Variants in RANBP17 observed in about 807,000 individuals in gnomAD.
The protein encoded by RANBP17 is ran-binding protein 17.
RANBP17 carries 158 observed loss-of-function variants against 141.2 expected under a neutral mutation model. The observed-to-expected ratio is 1.12, with a 90% CI of 0.98 to 1.28. RANBP17 has a LOEUF of 1.28. RANBP17 is among the 50% of genes most tolerant of loss of function. The pLI, the probability that RANBP17 is intolerant of heterozygous loss-of-function variation, is 0.00. For synonymous variants in RANBP17, 430 were observed against 450.0 expected, an observed-to-expected ratio of 0.96 and a Z score of 0.56; for missense variants, 1,438 against 1,290.7, an observed-to-expected ratio of 1.11 and a Z score of -1.75.
At chr5:170,900,416 A>C (rs779463121) in intron 5 of RANBP17, among the ~76,000 whole-genome samples, 2 of 151,312 alleles carry the variant, frequency 1.3e-5, no homozygotes, top group Non-Finnish European at 2.9e-5. Flanking sequence ...TTTCTTTGTT[A>C]GTCTGGCTAG....
intron 21 of RANBP17, among the ~76,000 whole-genome samples, chr5:171,219,814 G>C (rs1451071012): frequency 1.3e-5 from 2 of 151,894 alleles, no homozygotes; most frequent in Non-Finnish European, 2.9e-5. Context: ...AGTGTTCATA[G>C]CTTCCTTGCA....
chr5:171,214,663 AT>A (rs1302681957), intron 21 of RANBP17, among the ~76,000 whole-genome samples: 3 of 151,956 alleles, frequency 2.0e-5, no homozygotes, highest in Admixed American at 2.0e-4. Flanking sequence ...TGTGTGTATC[AT>A]TTTTTTTAAA....
chr5:171,218,375 G>A (rs762473361), intron 21 of RANBP17, among the ~76,000 whole-genome samples: 5 of 152,156 alleles, frequency 3.3e-5, no homozygotes, highest in Non-Finnish European at 7.4e-5. Flanking sequence ...TGTCGATTTG[G>A]GGTGGAGAGT....
In RANBP17 at chr5:170,878,117, G is replaced by GT. The variant is rs1357921593; in HGVS notation, c.41dup (p.Leu14PhefsTer10). On this transcript the variant is annotated frameshift_variant, in exon 2 of 28. Coordinates refer to ENST00000523189, the MANE Select transcript of RANBP17 (RefSeq NM_022897.5). LOFTEE classifies it high-confidence loss of function. The stretch of plus-strand genomic sequence containing the variant: ...TGAAGAGTTTGGCTGAATTGGAAGT[G>GT]TTATGTACTCATCTCTACATAGGGA... The GT allele has an allele frequency of 6.3e-7, 1 of 1,598,966 alleles. No individual in the cohort carries two copies. Among genetic ancestry groups the GT allele is most frequent in the Non-Finnish European group, 8.5e-7 (1 of 1,173,510 alleles).
chr5:171,029,002 C>T (rs1302744928), intron 14 of RANBP17: 1 of 1,191,560 alleles, frequency 8.4e-7, no homozygotes, highest in Non-Finnish European at 1.1e-6. Flanking sequence ...GAGGGCAAGT[C>T]AGTCTATATG....
intron 14 of RANBP17, among the ~76,000 whole-genome samples, chr5:171,125,866 G>C (rs141537596): frequency 0.053 from 7,956 of 151,232 alleles, 260 homozygotes; most frequent in East Asian, 0.12. Flanking sequence ...TCTCGGCTCA[G>C]TGCAACCTCT....
chr5:170,896,871 A>G (rs1770171143), intron 5 of RANBP17: 5 of 520,876 alleles, frequency 9.6e-6, no homozygotes, highest in Non-Finnish European at 1.8e-5. Context: ...TTTGGGTTGC[A>G]GGCCCAATGC....
intron 25 of RANBP17, among the ~76,000 whole-genome samples, chr5:171,291,576 G>A (rs144539662): frequency 5.3e-4 from 81 of 152,196 alleles, no homozygotes; most frequent in Admixed American, 1.5e-3. Context: ...TATTTGTGTC[G>A]TTAACCACAG....
chr5:171,144,432 A>C (rs989277259), intron 14 of RANBP17, among the ~76,000 whole-genome samples: 2 of 152,166 alleles, frequency 1.3e-5, no homozygotes, highest in African/African-American at 4.8e-5. Context: ...ATTTTTAACT[A>C]GGTAAGAGAT....
intron 13 of RANBP17, among the ~76,000 whole-genome samples, chr5:170,965,438 A>G (rs188531471): frequency 1.3e-3 from 194 of 152,200 alleles, no homozygotes; most frequent in African/African-American, 4.2e-3. Context: ...TTTTGTTGCC[A>G]TTGCTTTTGG....
intron 25 of RANBP17, among the ~76,000 whole-genome samples, chr5:171,268,155 T>C (rs1187603132): frequency 6.6e-6 from 1 of 152,184 alleles, no homozygotes; most frequent in African/African-American, 2.4e-5. Context: ...TCACGAGATA[T>C]AATTTCTCTC....
Position 170,878,167 on chromosome 5 carries a change from C to T in RANBP17, c.89C>T (p.Ala30Val). The T allele has an allele frequency of 1.2e-6, 2 of 1,612,778 alleles. No individual in the cohort carries two copies. Among genetic ancestry groups the T allele is most frequent in the Non-Finnish European group, 1.7e-6 (2 of 1,179,266 alleles). Residue 30 changes from alanine to valine, a missense_variant, in exon 2 of 28, where the codon GCT becomes GTT. Physicochemically the swap from Ala to Val is moderately conservative, Grantham distance 64 (BLOSUM62 0). Transcript: ENST00000523189. Reference sequence around the variant, plus strand: ...ACTGATCTTACACAAAGAATAGAGGCTGAGAAAGCACTCTTGGAACTTATT... The same window carrying T: ...ACTGATCTTACACAAAGAATAGAGGTTGAGAAAGCACTCTTGGAACTTATT... ...IGTDLTQRIEAEKALLELIDS... is the reference protein window; with the variant it reads ...IGTDLTQRIEVEKALLELIDS...
chr5:170,957,819 G>C (rs1393342052), intron 13 of RANBP17, among the ~76,000 whole-genome samples: 1 of 152,160 alleles, frequency 6.6e-6, no homozygotes, highest in East Asian at 1.9e-4. Flanking sequence ...TGTGAGTTCA[G>C]TGTTAACAAG....
chr5:170,886,163 G>A (rs1769124132), intron 3 of RANBP17, among the ~76,000 whole-genome samples: 1 of 152,058 alleles, frequency 6.6e-6, no homozygotes, highest in African/African-American at 2.4e-5. Flanking sequence ...TAATTCAGAG[G>A]CTAAATTAGA....
At chr5:170,888,438 G>T (rs1172649021) in intron 3 of RANBP17, among the ~76,000 whole-genome samples, 1 of 151,992 alleles carries the variant, frequency 6.6e-6, no homozygotes, top group Admixed American at 6.5e-5. Flanking sequence ...TACATATTTT[G>T]TTAGATTTAA....
intron 14 of RANBP17, among the ~76,000 whole-genome samples, chr5:171,132,324 G>C (rs2127791469): frequency 6.6e-6 from 1 of 151,956 alleles, no homozygotes; most frequent in Non-Finnish European, 1.5e-5. Flanking sequence ...ACAAAGGAAG[G>C]AAGGCTGGCT....
chr5:170,955,638 TA>T (rs1463411468), intron 13 of RANBP17, among the ~76,000 whole-genome samples: 2 of 64,694 alleles, frequency 3.1e-5, no homozygotes, highest in Non-Finnish European at 5.3e-5. Context: ...TATATATATA[TA>T]TGCTCAGTGT....
chr5:170,936,958 T>A (rs898296908), intron 12 of RANBP17, among the ~76,000 whole-genome samples: 2 of 152,244 alleles, frequency 1.3e-5, no homozygotes, highest in African/African-American at 2.4e-5. Context: ...CTCCACTGTC[T>A]TCTTATGCTT....
intron 16 of RANBP17, among the ~76,000 whole-genome samples, chr5:171,180,349 C>A (rs975578839): frequency 6.6e-6 from 1 of 152,204 alleles, no homozygotes; most frequent in Non-Finnish European, 1.5e-5. Flanking sequence ...TGAATCGTGA[C>A]TCTTCTGTTG....
Sources: gnomAD v4.1 joint callset for allele counts (sites outside exome capture counted in the v4.1 genomes callset) on GRCh38, gnomAD v4.1.1 for gene constraint, MANE v1.5 for transcripts, NCBI Gene and HGNC (gene_info 2026-07-23, HGNC 2026-07-21) for gene names.